Variants in EEA1 observed in about 807,000 individuals in gnomAD.
The protein encoded by EEA1 is early endosome antigen 1, 162kD.
Under a neutral mutation model 209.2 loss-of-function variants are expected in EEA1, and 111 were observed. The ratio of observed to expected loss-of-function variants is 0.53; its 90% CI spans 0.45 to 0.62. The LOEUF (loss-of-function observed/expected upper bound fraction) is 0.62, where lower values mean the gene tolerates loss of function less well. EEA1 is among the 20% of genes least tolerant of loss of function. The pLI is 0.00. For synonymous variants in EEA1, 536 were observed against 540.6 expected (o/e 0.99, Z 0.12); for missense variants, 1,343 against 1,530.8 (o/e 0.88, Z 2.05).
chr12:92,885,382 A>G (rs919018944), intron 2 of EEA1, among the ~76,000 whole-genome samples: 10 of 152,218 alleles, frequency 6.6e-5, no homozygotes, highest in Non-Finnish European at 1.5e-4. Context: ...AGCTTGTCCA[A>G]AGTAGGAAGC....
intron 1 of EEA1, among the ~76,000 whole-genome samples, chr12:92,922,362 TC>T: frequency 6.6e-6 from 1 of 152,350 alleles, no homozygotes. Context: ...ATCAATTTAT[TC>T]TTTCTCCATC....
intron 1 of EEA1, among the ~76,000 whole-genome samples, chr12:92,911,821 T>A (rs1880593863): frequency 6.6e-6 from 1 of 152,124 alleles, no homozygotes; most frequent in African/African-American, 2.4e-5. Context: ...GTTTTTCAAA[T>A]CTATGAATTT....
chr12:92,885,028 T>C (rs1879321514), intron 2 of EEA1, among the ~76,000 whole-genome samples: 1 of 149,020 alleles, frequency 6.7e-6, no homozygotes, highest in Non-Finnish European at 1.5e-5. Flanking sequence ...GCAGAATAAA[T>C]GTCTTTTTTT....
intron 1 of EEA1, among the ~76,000 whole-genome samples, chr12:92,920,442 C>T (rs1474767548): frequency 2.1e-5 from 3 of 144,654 alleles, no homozygotes; most frequent in East Asian, 3.9e-4. Flanking sequence ...GAAATAACGC[C>T]GCATACCTAC....
intron 21 of EEA1, among the ~76,000 whole-genome samples, chr12:92,797,933 T>C (rs1874730731): frequency 6.6e-6 from 1 of 152,210 alleles, no homozygotes; most frequent in African/African-American, 2.4e-5. Context: ...AATGGCATGA[T>C]ATATTTAGTT....
intron 11 of EEA1, among the ~76,000 whole-genome samples, chr12:92,830,018 G>T (rs76807759): frequency 3.0e-4 from 45 of 151,680 alleles, no homozygotes; most frequent in African/African-American, 8.2e-4. Context: ...GTGTGGGGGG[G>T]GCGGGTGAGG....
In EEA1 at chr12:92,852,952, T is replaced by A; in HGVS notation, c.480A>T (p.Leu160Phe). The change falls in exon 7 of 29, where the codon TTA becomes TTT. Residue 160 changes from leucine to phenylalanine, a missense_variant. By Grantham distance (22) the Leu-to-Phe change is conservative (BLOSUM62 0). Coordinates refer to ENST00000322349, the MANE Select transcript of EEA1 (RefSeq NM_003566.4). ...CAAGTTGGGCTGCTTTCTGTTCAAA[T>A]AAGTCTTTCATTTGCTTAATATTAA... ...ENFNIKQMKD[L>F]FEQKAAQLAT... is the part of the protein sequence containing the mutation. 6.2e-7 allele frequency: 1 copy of A among 1,612,602 alleles called. No individual in the cohort carries two copies. Among genetic ancestry groups the A allele is most frequent in the East Asian group, 2.2e-5 (1 of 44,720 alleles).
At chr12:92,817,353 AT>A (rs1393753563) in intron 14 of EEA1, among the ~76,000 whole-genome samples, 1 of 151,298 alleles carries the variant, frequency 6.6e-6, no homozygotes, top group Admixed American at 6.6e-5. Context: ...AAGTTCAATT[AT>A]TTTTATTTTT....
At chr12:92,909,359 A>G (rs913613671) in intron 1 of EEA1, among the ~76,000 whole-genome samples, 2 of 152,226 alleles carry the variant, frequency 1.3e-5, no homozygotes, top group East Asian at 1.9e-4. Context: ...TCAAAATGAC[A>G]AACGTCACCT....
At chr12:92,872,632 T>C (rs1878705753) in intron 2 of EEA1, among the ~76,000 whole-genome samples, 1 of 152,198 alleles carries the variant, frequency 6.6e-6, no homozygotes, top group South Asian at 2.1e-4. Context: ...GATGTATGTA[T>C]GGCTTGAGGT....
intron 1 of EEA1, among the ~76,000 whole-genome samples, chr12:92,911,176 G>A (rs533492584): frequency 4.6e-5 from 7 of 152,244 alleles, no homozygotes; most frequent in African/African-American, 2.4e-5. Flanking sequence ...ACACCAAAAC[G>A]TGGACATAGA....
intron 22 of EEA1, among the ~76,000 whole-genome samples, chr12:92,786,399 G>A (rs945108578): frequency 6.6e-6 from 1 of 152,092 alleles, no homozygotes; most frequent in Admixed American, 6.6e-5. Context: ...CCTAAATCTT[G>A]TGTGGTATTT....
intron 13 of EEA1, among the ~76,000 whole-genome samples, chr12:92,825,054 A>G (rs1231164302): frequency 6.6e-6 from 1 of 152,222 alleles, no homozygotes; most frequent in Non-Finnish European, 1.5e-5. Flanking sequence ...TTCTACATAT[A>G]TATCATTAGA....
At position 92,832,493 on chromosome 12, in the gene EEA1, T is replaced by A. The variant is rs1172354621; in HGVS notation, c.1254+19A>T. The A allele has an allele frequency of 1.3e-6, 2 of 1,578,740 alleles. No homozygotes were observed. The highest frequency in any genetic ancestry group is 2.7e-5 in the African/African-American group (2 of 73,182). On this transcript the variant is annotated intron_variant, in intron 11 of 28. Coordinates refer to ENST00000322349, the MANE Select transcript of EEA1 (RefSeq NM_003566.4). Reference sequence around the variant, plus strand: ...AAACCAGAGGGAGAATTACAATAAATAAAATTAACAGCTCTTACTTGATTA... The same window carrying A: ...AAACCAGAGGGAGAATTACAATAAAAAAAATTAACAGCTCTTACTTGATTA...
At chr12:92,801,268 G>A (rs1029670409) in intron 20 of EEA1, among the ~76,000 whole-genome samples, 2 of 151,238 alleles carry the variant, frequency 1.3e-5, no homozygotes, top group African/African-American at 4.9e-5. Flanking sequence ...CCATAAAAAT[G>A]GTCCTTAACC....
rs750454727 is a variant in EEA1 at position 92,832,475 on chromosome 12, AG to A, written c.1254+36del. ...ATCAAGTACACGAAGAAGAAACCAG[AG>A]GGAGAATTACAATAAATAAAATTAA... is the stretch of plus-strand genomic sequence containing the variant. On this transcript the variant is annotated intron_variant, in intron 11 of 28. Transcript: ENST00000322349. The A allele has an allele frequency of 5.8e-6, 9 of 1,547,796 alleles. No homozygotes were observed. The East Asian group carries it at 1.8e-4, about 31-fold the overall frequency.
intron 21 of EEA1, among the ~76,000 whole-genome samples, chr12:92,788,937 T>A (rs1434570649): frequency 6.6e-6 from 1 of 152,174 alleles, no homozygotes; most frequent in Non-Finnish European, 1.5e-5. Context: ...TCTGTGAATG[T>A]TGAGACACCC....
chr12:92,847,859 C>T (rs1418516279), intron 9 of EEA1, among the ~76,000 whole-genome samples: 3 of 152,012 alleles, frequency 2.0e-5, no homozygotes, highest in East Asian at 1.9e-4. Flanking sequence ...GAAACAAATG[C>T]GACCACGTTT....
chr12:92,913,799 T>TACAG, intron 1 of EEA1, among the ~76,000 whole-genome samples: 2 of 152,304 alleles, frequency 1.3e-5, no homozygotes, highest in South Asian at 4.1e-4. Context: ...TAGCTGGGAT[T>TACAG]ACAGGCATGT....
Sources: gnomAD v4.1 joint callset for allele counts (sites outside exome capture counted in the v4.1 genomes callset) on GRCh38, gnomAD v4.1.1 for gene constraint, MANE v1.5 for transcripts, NCBI Gene and HGNC (gene_info 2026-07-23, HGNC 2026-07-21) for gene names.